The following SSBP3 variants were observed in gnomAD, a reference collection of about 807,000 sequenced individuals.
The protein encoded by SSBP3 is single-stranded DNA-binding protein 3.
In SSBP3, 5 loss-of-function variants were observed where a neutral mutation model predicts 69.6. That is an observed-to-expected ratio of 0.07 (90% CI 0.04 to 0.15). SSBP3 has a LOEUF of 0.15. Among genes scored for constraint, SSBP3 ranks in the 10% least tolerant of loss-of-function variants. The probability of loss-of-function intolerance (pLI) is 1.00; values close to 1 mark genes in which losing one functional copy is unlikely to be tolerated. For missense variants in SSBP3, 312 were observed against 534.0 expected (o/e 0.58, Z 4.10); for synonymous variants, 196 against 193.4 (o/e 1.01, Z -0.11).
At chr1:54,274,405 G>A (rs1645248696) in intron 5 of SSBP3, among the ~76,000 whole-genome samples, 1 of 149,506 alleles carries the variant, frequency 6.7e-6, no homozygotes, top group African/African-American at 2.5e-5. Flanking sequence ...ACATAAGAGG[G>A]TGTCAGACAG....
At chr1:54,383,013 G>GAGAA (rs1198361271) in intron 4 of SSBP3, among the ~76,000 whole-genome samples, 7 of 143,866 alleles carry the variant, frequency 4.9e-5, no homozygotes, top group Admixed American at 2.8e-4. Flanking sequence ...AAGAGAGAGA[G>GAGAA]AGAAAGAAAG....
intron 4 of SSBP3, among the ~76,000 whole-genome samples, chr1:54,380,340 C>T (rs1236911664): frequency 1.3e-5 from 2 of 152,184 alleles, no homozygotes; most frequent in East Asian, 1.9e-4. Context: ...TGATTACACC[C>T]TGGACAGTAC....
intron 4 of SSBP3, among the ~76,000 whole-genome samples, chr1:54,398,335 C>G (rs213500): frequency 0.43 from 65,098 of 152,142 alleles, 14,783 homozygotes; most frequent in African/African-American, 0.58. Context: ...ATTCTCTAGT[C>G]TCTTTGGCTC....
chr1:54,263,626 C>T (rs1308624898), intron 5 of SSBP3, among the ~76,000 whole-genome samples: 4 of 152,192 alleles, frequency 2.6e-5, no homozygotes, highest in Admixed American at 2.0e-4. Context: ...TGCTGAAGGC[C>T]ACATATCCTT....
chr1:54,345,707 T>C (rs1646677476), intron 4 of SSBP3, among the ~76,000 whole-genome samples: 2 of 152,124 alleles, frequency 1.3e-5, no homozygotes, highest in South Asian at 4.1e-4. Context: ...ACAGAGCAGA[T>C]TCCTAACAGA....
chr1:54,319,527 G>A (rs914575742), intron 4 of SSBP3, among the ~76,000 whole-genome samples: 1 of 152,070 alleles, frequency 6.6e-6, no homozygotes, highest in African/African-American at 2.4e-5. Context: ...GGAGCCTCAG[G>A]ACTCAGCCTT....
exon 1 of SSBP3, chr1:54,406,121 C>T (rs1479299965): frequency 1.2e-6 from 1 of 816,356 alleles, no homozygotes; most frequent in East Asian, 3.6e-5. Flanking sequence ...CGCTCGCTCG[C>T]TCTCTCGCTC....
chr1:54,273,224 A>G (rs1270131259), intron 5 of SSBP3, among the ~76,000 whole-genome samples: 1 of 152,202 alleles, frequency 6.6e-6, no homozygotes, highest in Non-Finnish European at 1.5e-5. Flanking sequence ...TTTCCATTTC[A>G]TCAGTGAGAG....
chr1:54,356,926 A>C (rs1417562611), intron 4 of SSBP3: 1 of 152,254 alleles, frequency 6.6e-6, no homozygotes, highest in Non-Finnish European at 1.5e-5. Flanking sequence ...GACAAGACAG[A>C]CTTCATAAAA....
chr1:54,384,724 C>T (rs1647952326), intron 4 of SSBP3, among the ~76,000 whole-genome samples: 1 of 152,226 alleles, frequency 6.6e-6, no homozygotes, highest in African/African-American at 2.4e-5. Flanking sequence ...TCCACCCTAA[C>T]AGAAAAATAC....
At position 54,275,168 on chromosome 1, in the gene SSBP3, C is replaced by T. The variant is rs618215; in HGVS notation, c.366+6270G>A. 3.8e-3 allele frequency among the ~76,000 whole-genome samples: 583 copies of T among 152,328 alleles called. 8 individuals are homozygous for T. The highest frequency in any genetic ancestry group is 0.013 in the African/African-American group (555 of 41,576). Reference sequence around the variant, plus strand: ...TGGCTGACAGGTCCCTGCCCTTACACACCACGTCTGACCGAGGGGCTAAGG... The same window carrying T: ...TGGCTGACAGGTCCCTGCCCTTACATACCACGTCTGACCGAGGGGCTAAGG... On this transcript the variant is annotated intron_variant, in intron 5 of 17. Coordinates refer to ENST00000610401, the Ensembl canonical transcript of SSBP3.
chr1:54,386,706 A>ATTTTTTTTTTTTTTTTTTTTTTTT (rs1648117066), intron 4 of SSBP3, among the ~76,000 whole-genome samples: 1 of 45,156 alleles, frequency 2.2e-5, no homozygotes, highest in Non-Finnish European at 3.6e-5. Context: ...TTTTTTTTTA[A>ATTTTTTTTTTTTTTTTTTTTTTTT]GAGATGGAGT....
chr1:54,403,208 A>T (rs1649430689), intron 3 of SSBP3, among the ~76,000 whole-genome samples: 1 of 152,168 alleles, frequency 6.6e-6, no homozygotes, highest in Non-Finnish European at 1.5e-5. Flanking sequence ...TGAGATAAGG[A>T]TGGAGAAGTT....
chr1:54,298,638 G>T (rs1308680253), intron 4 of SSBP3, among the ~76,000 whole-genome samples: 1 of 152,026 alleles, frequency 6.6e-6, no homozygotes, highest in Non-Finnish European at 1.5e-5. Flanking sequence ...GCAGCAGAGG[G>T]GTGTGGTGTG....
rs563743187 is a variant in SSBP3, at chr1:54,390,691, T to A, written c.276+11170A>T. On this transcript the variant is annotated intron_variant, in intron 4 of 17. Coordinates refer to ENST00000610401, the Ensembl canonical transcript of SSBP3. ...GCCAATTCGGAGATAACGTGGTGGC[T>A]GAAATTCCCTGTCATGCTGTAAAAT... 4.6e-5 allele frequency among the ~76,000 whole-genome samples: 7 copies of A among 152,340 alleles called. No individual in the cohort carries two copies. The East Asian group carries it at 1.3e-3, about 29-fold the overall frequency.
At chr1:54,229,173 G>A (rs556421467) in intron 14 of SSBP3, among the ~76,000 whole-genome samples, 1 of 152,324 alleles carries the variant, frequency 6.6e-6, no homozygotes, top group Non-Finnish European at 1.5e-5. Context: ...CCAGACAGAG[G>A]CACATGTGGA....
At chr1:54,260,280 C>T (rs903743344) in intron 5 of SSBP3, among the ~76,000 whole-genome samples, 3 of 152,234 alleles carry the variant, frequency 2.0e-5, no homozygotes, top group African/African-American at 7.2e-5. Flanking sequence ...GTTGGTTCCT[C>T]GGCTCTTGGC....
intron 4 of SSBP3, among the ~76,000 whole-genome samples, chr1:54,387,194 G>GA (rs1420831128): frequency 6.6e-6 from 1 of 152,180 alleles, no homozygotes; most frequent in African/African-American, 2.4e-5. Context: ...ATTCCTCCCT[G>GA]GATCGTTTAC....
chr1:54,388,406 C>A (rs6690450), intron 4 of SSBP3, among the ~76,000 whole-genome samples: 92,658 of 152,084 alleles, frequency 0.61, 29,568 homozygotes, highest in African/African-American at 0.79. Flanking sequence ...AGAGTGTTAC[C>A]GGGATTAAAT....
Sources: gnomAD v4.1 joint callset for allele counts (sites outside exome capture counted in the v4.1 genomes callset) on GRCh38, gnomAD v4.1.1 for gene constraint, MANE v1.5 for transcripts, NCBI Gene and HGNC (gene_info 2026-07-23, HGNC 2026-07-21) for gene names.